SMC6: variants seen among roughly 807,000 people sequenced by gnomAD.
SMC6 encodes the protein structural maintenance of chromosomes 6.
A neutral mutation model predicts 142.2 loss-of-function variants in SMC6; 79 were observed. The observed-to-expected ratio is 0.56, with a 90% confidence interval of 0.46 to 0.67. SMC6 has a LOEUF of 0.67. Among genes scored for constraint, SMC6 ranks in the 30% least tolerant of loss-of-function variants. The pLI is 0.00. For synonymous variants in SMC6, 411 were observed against 412.4 expected, an observed-to-expected ratio of 1.00 and a Z score of 0.04; for missense variants, 1,072 against 1,284.0, an observed-to-expected ratio of 0.83 and a Z score of 2.52.
Position 17,699,960 on chromosome 2 carries a change from A to G in SMC6, c.2394+248T>C, listed in dbSNP as rs186944658. On this transcript the variant is annotated intron_variant, in intron 21 of 27. Transcript: ENST00000448223. ...GATTTTTAAAAATCATAAAAAGGTG[A>G]AAAAAAAAAGCTATAATCCTCTAGG... is the stretch of plus-strand genomic sequence containing the variant. Among the ~76,000 whole-genome samples, 127 of 149,220 alleles carry G rather than the reference A, an allele frequency of 8.5e-4. 1 individual carries two copies. The highest frequency in any genetic ancestry group is 3.1e-3 in the African/African-American group (126 of 40,732).
intron 5 of SMC6, among the ~76,000 whole-genome samples, chr2:17,732,925 C>A (rs1669980684): frequency 1.3e-5 from 2 of 151,916 alleles, no homozygotes; most frequent in South Asian, 2.1e-4. Flanking sequence ...AAAAAAAAAT[C>A]TTTATTTGTG....
chr2:17,752,903 A>G, intron 2 of SMC6, 75 bp downstream of exon 2: 1 of 379,368 alleles, frequency 2.6e-6, no homozygotes, highest in Non-Finnish European at 3.6e-6. Flanking sequence ...TATGCAGAGT[A>G]ATAAGCGCTC....
At chr2:17,716,339 C>T in intron 14 of SMC6, 75 bp from the exon 15 acceptor site, 1 of 1,411,826 alleles carries the variant, frequency 7.1e-7, no homozygotes, top group Non-Finnish European at 9.6e-7. Context: ...GCCCATAACA[C>T]CTACATCCCA....
intron 16 of SMC6, among the ~76,000 whole-genome samples, chr2:17,712,246 T>A (rs1572310752): frequency 1.3e-5 from 2 of 152,280 alleles, no homozygotes; most frequent in South Asian, 2.1e-4. Flanking sequence ...GAATGCAGTC[T>A]CCCCTAGGAG....
chr2:17,732,767 T>C (rs1369822009), intron 5 of SMC6, among the ~76,000 whole-genome samples: 2 of 151,774 alleles, frequency 1.3e-5, no homozygotes, highest in Admixed American at 6.6e-5. Context: ...TAAAAAGACA[T>C]ATTTTAAAAT....
At chr2:17,669,858 G>A (rs1467090176) in intron 26 of SMC6, among the ~76,000 whole-genome samples, 2 of 152,170 alleles carry the variant, frequency 1.3e-5, no homozygotes, top group East Asian at 1.9e-4. Flanking sequence ...AACCATGAGA[G>A]GTAGGAATTG....
At chr2:17,709,176 T>A (rs1208932071) in intron 16 of SMC6, among the ~76,000 whole-genome samples, 1 of 152,148 alleles carries the variant, frequency 6.6e-6, no homozygotes, top group Non-Finnish European at 1.5e-5. Flanking sequence ...AGATTCTTAA[T>A]CAATATGCCC....
intron 17 of SMC6, among the ~76,000 whole-genome samples, chr2:17,707,825 A>C (rs1427148521): frequency 6.6e-6 from 1 of 151,920 alleles, no homozygotes; most frequent in Admixed American, 6.6e-5. Flanking sequence ...AAGTCTGGAA[A>C]TATTTAAGCC....
chr2:17,731,727 G>C lies in SMC6; in HGVS notation c.481+14C>G. 1 of 1,605,280 alleles carries C rather than the reference G, an allele frequency of 6.2e-7. No homozygotes were observed. The highest frequency in any genetic ancestry group is 8.5e-7 in the Non-Finnish European group (1 of 1,176,070). ...TAATATTTTATAAGAAATGAAAAGA[G>C]AATCAAAACAAACCTGTTGCACTTT... On this transcript the variant is annotated intron_variant, in intron 6 of 27. Transcript: ENST00000448223.
chr2:17,694,903 A>G (rs978533593), intron 23 of SMC6, among the ~76,000 whole-genome samples: 1 of 152,214 alleles, frequency 6.6e-6, no homozygotes, highest in Non-Finnish European at 1.5e-5. Flanking sequence ...TTTCATGTCT[A>G]TATGAACCTT....
In SMC6 at chr2:17,716,068, C is replaced by CTAA; in HGVS notation, c.1525+15_1525+17dup. On this transcript the variant is annotated intron_variant, in intron 15 of 27. Coordinates refer to ENST00000448223, the MANE Select transcript of SMC6 (RefSeq NM_001142286.2). ...ATTTCTAAAGTTTATTATAACCTCG[C>CTAA]TAAATTAAGACAAATACCTAAAGGG... 1 of 1,464,200 alleles carries CTAA rather than the reference C, an allele frequency of 6.8e-7. No individual in the cohort carries two copies. Among genetic ancestry groups the CTAA allele is most frequent in the South Asian group, 1.5e-5 (1 of 65,256 alleles). The allele number at this position is 1,464,200 out of a possible 1,614,324, so 90.7% of individuals were successfully genotyped here.
At chr2:17,734,736 C>CT (rs951410624) in intron 5 of SMC6, among the ~76,000 whole-genome samples, 2 of 74,898 alleles carry the variant, frequency 2.7e-5, no homozygotes, top group African/African-American at 8.3e-5. Flanking sequence ...ATTTTCTTTT[C>CT]TTTTTTTCTT....
chr2:17,694,670 A>G (rs1257942457), intron 23 of SMC6, among the ~76,000 whole-genome samples: 2 of 152,212 alleles, frequency 1.3e-5, no homozygotes, highest in East Asian at 1.9e-4. Flanking sequence ...AGTCACATAA[A>G]TAGGTGGTGG....
intron 18 of SMC6, among the ~76,000 whole-genome samples, chr2:17,705,913 T>C (rs1439600598): frequency 4.6e-5 from 7 of 152,154 alleles, no homozygotes; most frequent in Non-Finnish European, 7.4e-5. Flanking sequence ...TGACAGCCTA[T>C]CTAAAATAGT....
intron 5 of SMC6, among the ~76,000 whole-genome samples, chr2:17,737,513 G>A (rs1055545939): frequency 6.6e-6 from 1 of 152,156 alleles, no homozygotes; most frequent in African/African-American, 2.4e-5. Context: ...GAAGAGATAA[G>A]CCTGAAGACA....
At chr2:17,737,127 G>A (rs1051965396) in intron 5 of SMC6, among the ~76,000 whole-genome samples, 1 of 152,136 alleles carries the variant, frequency 6.6e-6, no homozygotes, top group Non-Finnish European at 1.5e-5. Context: ...TAGGGCATGG[G>A]AAATAATCTT....
chr2:17,699,930 G>T (rs963584437), intron 21 of SMC6, among the ~76,000 whole-genome samples: 13 of 151,380 alleles, frequency 8.6e-5, no homozygotes, highest in Admixed American at 5.9e-4. Flanking sequence ...TCTGCTCCTG[G>T]TTCTGATTTT....
intron 9 of SMC6, among the ~76,000 whole-genome samples, chr2:17,724,663 A>G (rs1051583289): frequency 1.3e-5 from 2 of 152,210 alleles, no homozygotes; most frequent in African/African-American, 4.8e-5. Context: ...CAGATTTAAA[A>G]ACAAATTGAA....
chr2:17,673,861 G>A (rs1199415833), intron 25 of SMC6, among the ~76,000 whole-genome samples: 11 of 151,920 alleles, frequency 7.2e-5, no homozygotes, highest in Admixed American at 6.6e-4. Context: ...GAGCCACCAC[G>A]CCCGGCCGCT....
Sources: gnomAD v4.1 joint callset for allele counts (sites outside exome capture counted in the v4.1 genomes callset) on GRCh38, gnomAD v4.1.1 for gene constraint, MANE v1.5 for transcripts, NCBI Gene and HGNC (gene_info 2026-07-23, HGNC 2026-07-21) for gene names.